SPMIP2: variants seen among roughly 807,000 people sequenced by gnomAD.
The protein encoded by SPMIP2 is sperm microtubule inner protein 2.
At chr4:158,970,789 T>G in the SPMIP2 span, among the ~76,000 whole-genome samples, 1 of 152,176 alleles carries the variant, frequency 6.6e-6, no homozygotes, top group African/African-American at 2.4e-5. Context: ...CTGAGACAGC[T>G]AGACCCTTGA....
At chr4:159,055,850 G>T in the SPMIP2 span, among the ~76,000 whole-genome samples, 1 of 152,152 alleles carries the variant, frequency 6.6e-6, no homozygotes, top group Non-Finnish European at 1.5e-5. Flanking sequence ...GGGAAATAGG[G>T]GGTCCTTCTT....
chr4:159,007,570 C>T, the SPMIP2 span: 1 of 1,092,770 alleles, frequency 9.2e-7, no homozygotes. Flanking sequence ...AGGGTGAATG[C>T]CGTCAAAAGC....
At chr4:158,974,834 T>G in the SPMIP2 span, among the ~76,000 whole-genome samples, 4 of 152,188 alleles carry the variant, frequency 2.6e-5, no homozygotes, top group African/African-American at 9.7e-5. Flanking sequence ...AGTAATGGAA[T>G]TGCTGGGTCA....
the SPMIP2 span, chr4:158,937,335 G>A: frequency 2.0e-5 from 3 of 152,724 alleles, no homozygotes; most frequent in African/African-American, 4.8e-5. Flanking sequence ...AAATTTAAAC[G>A]TTAATGGAGT....
the SPMIP2 span, among the ~76,000 whole-genome samples, chr4:158,941,784 A>G: frequency 6.6e-6 from 1 of 152,348 alleles, no homozygotes; most frequent in East Asian, 1.9e-4. Flanking sequence ...ATTTAAATTA[A>G]TTTATAACTA....
the SPMIP2 span, among the ~76,000 whole-genome samples, chr4:158,989,047 A>T: frequency 1.3e-5 from 2 of 152,226 alleles, no homozygotes; most frequent in Non-Finnish European, 2.9e-5. Flanking sequence ...CTCAGGATAC[A>T]AAATCAGTGG....
the SPMIP2 span, among the ~76,000 whole-genome samples, chr4:159,016,893 C>A: frequency 6.6e-6 from 1 of 152,208 alleles, no homozygotes; most frequent in Admixed American, 6.5e-5. Flanking sequence ...GAAAGCAAAT[C>A]TCTGTCTCTT....
At chr4:159,040,094 C>T in the SPMIP2 span, among the ~76,000 whole-genome samples, 2 of 152,036 alleles carry the variant, frequency 1.3e-5, no homozygotes, top group East Asian at 3.9e-4. Flanking sequence ...GAACCTTATA[C>T]TTTTAAGCAC....
At chr4:159,072,451 C>CTTTTTTTTTTTTTTTTTTTTTT in the SPMIP2 span, among the ~76,000 whole-genome samples, 1 of 69,134 alleles carries the variant, frequency 1.4e-5, no homozygotes, top group Non-Finnish European at 2.6e-5. Context: ...CTTATGAATT[C>CTTTTTTTTTTTTTTTTTTTTTT]TTTTTTTTTT....
At chr4:158,901,477 C>T in the SPMIP2 span, among the ~76,000 whole-genome samples, 2 of 152,006 alleles carry the variant, frequency 1.3e-5, no homozygotes, top group African/African-American at 4.8e-5. Flanking sequence ...TGGGGTTGCT[C>T]TTCTCGAGGA....
At chr4:158,940,629 C>T in the SPMIP2 span, among the ~76,000 whole-genome samples, 2 of 147,954 alleles carry the variant, frequency 1.4e-5, no homozygotes, top group Non-Finnish European at 3.0e-5. Context: ...TTTGGTTATG[C>T]ACTAACATAT....
chr4:158,993,534 T>C, the SPMIP2 span, among the ~76,000 whole-genome samples: 8 of 152,318 alleles, frequency 5.3e-5, no homozygotes, highest in South Asian at 1.4e-3. Context: ...TGCAGTTTCA[T>C]TGTCTCATTT....
At chr4:158,915,108 G>C in the SPMIP2 span, 1 of 1,420,596 alleles carries the variant, frequency 7.0e-7, no homozygotes, top group Non-Finnish European at 9.6e-7. Flanking sequence ...ACCTGTCCCT[G>C]ATTTATATGT....
chr4:159,067,258 ATAAT>A, the SPMIP2 span, among the ~76,000 whole-genome samples: 4 of 152,184 alleles, frequency 2.6e-5, no homozygotes, highest in Admixed American at 6.5e-5. Context: ...TTTGAAAGGA[ATAAT>A]TAAATAGAAC....
the SPMIP2 span, among the ~76,000 whole-genome samples, chr4:159,063,139 G>A: frequency 7.6e-3 from 1,160 of 152,250 alleles, 51 homozygotes; most frequent in East Asian, 0.1. Flanking sequence ...TCACAATACA[G>A]TTTCAATGCT....
At chr4:158,964,834 G>C in the SPMIP2 span, among the ~76,000 whole-genome samples, 1 of 152,178 alleles carries the variant, frequency 6.6e-6, no homozygotes, top group South Asian at 2.1e-4. Context: ...TGGCAGGTGA[G>C]AGAGAGCAAA....
At chr4:158,971,853 G>C in the SPMIP2 span, among the ~76,000 whole-genome samples, 1 of 152,126 alleles carries the variant, frequency 6.6e-6, no homozygotes, top group Non-Finnish European at 1.5e-5. Context: ...CTTAACCAAG[G>C]CCATACACAG....
chr4:159,050,905 G>A, the SPMIP2 span, among the ~76,000 whole-genome samples: 5 of 151,926 alleles, frequency 3.3e-5, no homozygotes, highest in South Asian at 6.2e-4. Flanking sequence ...TCAGGAAATC[G>A]AGACCATCCT....
the SPMIP2 span, chr4:158,915,256 A>G: frequency 3.5e-5 from 56 of 1,613,740 alleles, no homozygotes; most frequent in Middle Eastern, 6.6e-4. Flanking sequence ...AGAATAGCCC[A>G]TTTGGAATTT....
Sources: gnomAD v4.1 joint callset for allele counts (sites outside exome capture counted in the v4.1 genomes callset) on GRCh38, gnomAD v4.1.1 for gene constraint, MANE v1.5 for transcripts, NCBI Gene and HGNC (gene_info 2026-07-23, HGNC 2026-07-21) for gene names.